Variants in TUSC3 observed in about 807,000 individuals in gnomAD.
TUSC3 encodes tumor suppressor candidate 3, also known as dolichyl-diphosphooligosaccharide--protein glycosyltransferase subunit TUSC3.
A neutral mutation model predicts 44.8 loss-of-function variants in TUSC3; 45 were observed. The observed-to-expected ratio is 1.00, with a 90% CI of 0.79 to 1.29. TUSC3 has a LOEUF of 1.29. TUSC3 is among the 50% of genes most tolerant of loss of function. The pLI is 0.00. For missense variants in TUSC3, 519 were observed against 437.9 expected (o/e 1.19, Z -1.65); for synonymous variants, 212 against 152.9 (o/e 1.39, Z -2.85).
chr8:15,724,532 G>GT (rs1174176926), intron 6 of TUSC3, among the ~76,000 whole-genome samples: 8 of 152,176 alleles, frequency 5.3e-5, no homozygotes, highest in African/African-American at 1.9e-4. Context: ...TTTTCCCTCT[G>GT]TTTCGTTTTT....
At chr8:15,533,772 C>A (rs1801482143) in intron 2 of TUSC3, among the ~76,000 whole-genome samples, 1 of 152,080 alleles carries the variant, frequency 6.6e-6, no homozygotes, top group Non-Finnish European at 1.5e-5. Context: ...CTGAATGTTT[C>A]TGTGTTGAGA....
intron 7 of TUSC3, among the ~76,000 whole-genome samples, chr8:15,742,800 T>C (rs1046236079): frequency 6.6e-6 from 1 of 152,150 alleles, no homozygotes; most frequent in Non-Finnish European, 1.5e-5. Context: ...ATCTTAAGAG[T>C]CGACAATGTG....
At chr8:15,428,732 A>AT (rs1400616750) in intron 1 of TUSC3, among the ~76,000 whole-genome samples, 2 of 151,978 alleles carry the variant, frequency 1.3e-5, no homozygotes, top group Non-Finnish European at 2.9e-5. Context: ...GATGATGAGC[A>AT]TTTTTTCATG....
At chr8:15,582,478 C>G (rs1304952598) in intron 1 of TUSC3, among the ~76,000 whole-genome samples, 1 of 152,224 alleles carries the variant, frequency 6.6e-6, no homozygotes, top group East Asian at 1.9e-4. Context: ...TGAATATCAA[C>G]ACTTAATAAG....
downstream of TUSC3, among the ~76,000 whole-genome samples, chr8:15,768,825 C>G (rs1313501207): frequency 6.6e-6 from 1 of 152,084 alleles, no homozygotes; most frequent in Non-Finnish European, 1.5e-5. Context: ...AACTCCCATT[C>G]ACAATTGCTA....
the TUSC3 span, among the ~76,000 whole-genome samples, chr8:15,846,523 A>C: frequency 1.3e-5 from 2 of 152,246 alleles, no homozygotes; most frequent in African/African-American, 2.4e-5. Context: ...AATACTATGC[A>C]GCCATAAAAA....
chr8:15,724,904 C>G (rs1810444120), intron 6 of TUSC3, among the ~76,000 whole-genome samples: 2 of 152,156 alleles, frequency 1.3e-5, no homozygotes, highest in Admixed American at 6.6e-5. Context: ...TAGCTGCGGA[C>G]AAGCTCTTGG....
intron 6 of TUSC3, among the ~76,000 whole-genome samples, chr8:15,675,659 A>G (rs1423345162): frequency 2.0e-5 from 3 of 152,026 alleles, no homozygotes; most frequent in Non-Finnish European, 4.4e-5. Context: ...TGTTTATCCA[A>G]TGTTTAGCTC....
chr8:15,752,142 G>T (rs376670654), intron 9 of TUSC3, among the ~76,000 whole-genome samples: 28 of 152,246 alleles, frequency 1.8e-4, no homozygotes, highest in African/African-American at 6.5e-4. Context: ...AAAGATCACT[G>T]TGGGTCTGAG....
chr8:15,528,604 C>G (rs552868347), intron 2 of TUSC3, among the ~76,000 whole-genome samples: 1 of 152,316 alleles, frequency 6.6e-6, no homozygotes, highest in African/African-American at 2.4e-5. Flanking sequence ...TGCTTTTCAC[C>G]TGGCTTCACG....
At chr8:15,604,250 A>G (rs1804425917) in intron 1 of TUSC3, among the ~76,000 whole-genome samples, 1 of 151,670 alleles carries the variant, frequency 6.6e-6, no homozygotes, top group Non-Finnish European at 1.5e-5. Context: ...ACATAAAGAT[A>G]GATTTGAGAA....
intron 2 of TUSC3, among the ~76,000 whole-genome samples, chr8:15,510,971 C>T (rs1487221392): frequency 6.6e-6 from 1 of 151,976 alleles, no homozygotes; most frequent in Non-Finnish European, 1.5e-5. Flanking sequence ...AAAAGGAAAA[C>T]CATTTATTGA....
intron 2 of TUSC3, 81 bp downstream of exon 2, chr8:15,623,330 AT>A: frequency 9.7e-6 from 13 of 1,334,810 alleles, no homozygotes; most frequent in Non-Finnish European, 1.3e-5. Context: ...TAAGATAAAT[AT>A]ATGTAAGATA....
intron 1 of TUSC3, among the ~76,000 whole-genome samples, chr8:15,574,058 A>G (rs1470061562): frequency 6.6e-6 from 1 of 151,966 alleles, no homozygotes; most frequent in Non-Finnish European, 1.5e-5. Context: ...TTTTGTTTGA[A>G]TCCTTTATTG....
intron 7 of TUSC3, 44 bp downstream of exon 7, chr8:15,730,773 G>A (rs1226459237): frequency 2.5e-6 from 4 of 1,579,042 alleles, no homozygotes; most frequent in Non-Finnish European, 3.5e-6. Context: ...GCAAACTAAA[G>A]CTACATGTTT....
At chr8:15,457,927 C>T (rs1193709057) in intron 1 of TUSC3, among the ~76,000 whole-genome samples, 1 of 150,164 alleles carries the variant, frequency 6.7e-6, no homozygotes, top group African/African-American at 2.4e-5. Flanking sequence ...ATAATTAGTA[C>T]TCCAATGATG....
intron 1 of TUSC3, among the ~76,000 whole-genome samples, chr8:15,573,666 G>A (rs149004874): frequency 6.6e-6 from 1 of 152,080 alleles, no homozygotes; most frequent in African/African-American, 2.4e-5. Context: ...TAAAGGGGCT[G>A]CTAGCAAACC....
At chr8:15,481,274 G>T (rs1563262408) in intron 1 of TUSC3, among the ~76,000 whole-genome samples, 2 of 150,870 alleles carry the variant, frequency 1.3e-5, no homozygotes, top group African/African-American at 4.9e-5. Flanking sequence ...AAAAAGTGGG[G>T]TCTTTAAGAG....
chr8:15,552,596 C>T (rs1323388041), intron 1 of TUSC3, among the ~76,000 whole-genome samples: 2 of 151,662 alleles, frequency 1.3e-5, no homozygotes, highest in Non-Finnish European at 2.9e-5. Context: ...TGAAAAAACA[C>T]AGCAAATTCA....
Sources: gnomAD v4.1 joint callset for allele counts (sites outside exome capture counted in the v4.1 genomes callset) on GRCh38, gnomAD v4.1.1 for gene constraint, MANE v1.5 for transcripts, NCBI Gene and HGNC (gene_info 2026-07-23, HGNC 2026-07-21) for gene names.